Variants in OPCML observed in about 807,000 individuals in gnomAD.
OPCML encodes opioid-binding protein/cell adhesion molecule.
Under a neutral mutation model 37.8 loss-of-function variants are expected in OPCML, and 13 were observed. That is an observed-to-expected ratio of 0.34 (90% CI 0.22 to 0.55). The LOEUF is 0.55. Among genes scored for constraint, OPCML ranks in the 20% least tolerant of loss-of-function variants. The pLI is 0.91. For synonymous variants in OPCML, 176 were observed against 168.8 expected (o/e 1.04, Z -0.33); for missense variants, 341 against 435.6 (o/e 0.78, Z 1.93).
intron 7 of OPCML, among the ~76,000 whole-genome samples, chr11:132,429,488 G>A (rs1294519628): frequency 6.6e-6 from 1 of 152,156 alleles, no homozygotes; most frequent in Non-Finnish European, 1.5e-5. Flanking sequence ...AGAGGAGGAA[G>A]TCAAAAATGA....
At chr11:132,600,329 C>T (rs954945290) in intron 3 of OPCML, among the ~76,000 whole-genome samples, 3 of 152,296 alleles carry the variant, frequency 2.0e-5, no homozygotes, top group East Asian at 1.9e-4. Context: ...TTTGCAAAGA[C>T]GAAGACTCTG....
chr11:132,487,847 T>G lies in OPCML; in HGVS notation c.505+41214A>C, dbSNP rs901005851. Among the ~76,000 whole-genome samples, 25 of 152,268 alleles carry G rather than the reference T, an allele frequency of 1.6e-4. 1 individual carries two copies. The highest frequency in any genetic ancestry group is 6.0e-4 in the African/African-American group (25 of 41,482). On this transcript the variant is annotated intron_variant, in intron 4 of 7. Coordinates refer to ENST00000524381, the MANE Select transcript of OPCML (RefSeq NM_001012393.5). ...ATCTTACTCAATCATAGTATTGCAT[T>G]ACTGCTTTCTAATATGCATTTTAGT...
At chr11:133,029,878 T>C (rs1347357043) in intron 1 of OPCML, among the ~76,000 whole-genome samples, 1 of 151,718 alleles carries the variant, frequency 6.6e-6, no homozygotes, top group Non-Finnish European at 1.5e-5. Flanking sequence ...AAAAATTAAG[T>C]AAAACTCATT....
intron 1 of OPCML, among the ~76,000 whole-genome samples, chr11:133,105,464 T>G (rs1949142906): frequency 6.6e-6 from 1 of 152,184 alleles, no homozygotes. Context: ...TTAGTGCCAG[T>G]GGGCAGATGA....
intron 3 of OPCML, among the ~76,000 whole-genome samples, chr11:132,533,463 G>T (rs7126067): frequency 0.6 from 90,827 of 152,052 alleles, 29,546 homozygotes; most frequent in African/African-American, 0.85. Flanking sequence ...ACAGATAGAC[G>T]GATAGACAAA....
intron 2 of OPCML, among the ~76,000 whole-genome samples, chr11:132,804,246 G>A (rs1295392790): frequency 6.6e-6 from 1 of 152,152 alleles, no homozygotes; most frequent in African/African-American, 2.4e-5. Flanking sequence ...CCTGGAGACA[G>A]TTTCCCAACC....
At chr11:132,813,118 G>T (rs1939441917) in intron 2 of OPCML, among the ~76,000 whole-genome samples, 1 of 152,074 alleles carries the variant, frequency 6.6e-6, no homozygotes, top group African/African-American at 2.4e-5. Flanking sequence ...CATTGCTTTT[G>T]AATTTAATTT....
intron 1 of OPCML, among the ~76,000 whole-genome samples, chr11:132,983,282 C>G (rs1946625320): frequency 6.6e-6 from 1 of 152,264 alleles, no homozygotes; most frequent in Non-Finnish European, 1.5e-5. Context: ...CCCAAGCCAG[C>G]ACCCAAGTGC....
At chr11:133,199,111 G>T (rs1185626158) in intron 1 of OPCML, among the ~76,000 whole-genome samples, 1 of 152,086 alleles carries the variant, frequency 6.6e-6, no homozygotes, top group Admixed American at 6.6e-5. Context: ...ACAACGGGGG[G>T]CTCTAGTTCA....
intron 1 of OPCML, among the ~76,000 whole-genome samples, chr11:133,386,262 T>C (rs1334033979): frequency 6.6e-6 from 1 of 152,240 alleles, no homozygotes; most frequent in Admixed American, 6.5e-5. Context: ...TATACTTTAA[T>C]TAGCATAACA....
chr11:133,048,504 T>C (rs1948065333), intron 1 of OPCML, among the ~76,000 whole-genome samples: 1 of 152,182 alleles, frequency 6.6e-6, no homozygotes, highest in Non-Finnish European at 1.5e-5. Flanking sequence ...AGAGAGCACC[T>C]ACTGGATAAA....
chr11:132,667,479 T>C (rs185830649), intron 2 of OPCML, among the ~76,000 whole-genome samples: 35 of 152,234 alleles, frequency 2.3e-4, no homozygotes, highest in African/African-American at 8.2e-4. Flanking sequence ...TAAGTATATA[T>C]ACTAATGAGA....
chr11:133,088,126 C>T (rs1239624232), intron 1 of OPCML, among the ~76,000 whole-genome samples: 3 of 152,174 alleles, frequency 2.0e-5, no homozygotes, highest in Non-Finnish European at 4.4e-5. Flanking sequence ...GCACATTTGA[C>T]TTTGCATTAT....
chr11:132,918,622 G>A (rs530202317), intron 2 of OPCML, among the ~76,000 whole-genome samples: 1 of 152,064 alleles, frequency 6.6e-6, no homozygotes, highest in East Asian at 1.9e-4. Flanking sequence ...TTTCTAGTAG[G>A]TTTAACTGAA....
chr11:133,503,958 G>A (rs939437759), intron 1 of OPCML, among the ~76,000 whole-genome samples: 1 of 152,168 alleles, frequency 6.6e-6, no homozygotes, highest in African/African-American at 2.4e-5. Context: ...AGGAGGAAAG[G>A]CAAGACAAGG....
chr11:133,315,096 T>C (rs977354602), intron 1 of OPCML, among the ~76,000 whole-genome samples: 2 of 152,196 alleles, frequency 1.3e-5, no homozygotes, highest in East Asian at 3.8e-4. Context: ...TTCATTGAAT[T>C]AGATGCATGT....
At chr11:132,728,156 G>A (rs1285271330) in intron 2 of OPCML, among the ~76,000 whole-genome samples, 2 of 152,232 alleles carry the variant, frequency 1.3e-5, no homozygotes, top group East Asian at 3.9e-4. Flanking sequence ...ACCTGTGCCG[G>A]CGCAGCCCGC....
At chr11:133,392,788 G>A (rs942390215) in intron 1 of OPCML, among the ~76,000 whole-genome samples, 4 of 152,234 alleles carry the variant, frequency 2.6e-5, no homozygotes, top group Non-Finnish European at 5.9e-5. Context: ...CATGGCTCCT[G>A]AAGTACAGTT....
intron 2 of OPCML, among the ~76,000 whole-genome samples, chr11:132,862,666 T>C (rs1942356702): frequency 6.6e-6 from 1 of 152,070 alleles, no homozygotes. Flanking sequence ...GGGAGATATT[T>C]CGGACGTGGC....
Sources: allele counts gnomAD v4.1 joint callset (sites outside exome capture counted in the v4.1 genomes callset), GRCh38; gene constraint gnomAD v4.1.1; transcripts MANE v1.5; gene names NCBI Gene and HGNC (gene_info 2026-07-23, HGNC 2026-07-21).